Variants in PCNT observed in about 807,000 individuals in gnomAD.
PCNT encodes kendrin.
PCNT carries 319 observed loss-of-function variants against 380.4 expected under a neutral mutation model. The ratio of observed to expected loss-of-function variants is 0.84; its 90% CI spans 0.77 to 0.92. The LOEUF is 0.92. Ranked by LOEUF, PCNT falls within the 40% of genes least tolerant of loss-of-function variation. The pLI, the probability that PCNT is intolerant of heterozygous loss-of-function variation, is 0.00. For synonymous variants in PCNT, 1,845 were observed against 1,735.2 expected (o/e 1.06, Z -1.57); for missense variants, 4,400 against 4,255.3 (o/e 1.03, Z -0.95).
chr21:46,389,168 C>A, intron 18 of PCNT, 31 bp from the exon 19 acceptor site: 11 of 1,596,416 alleles, frequency 6.9e-6, no homozygotes, highest in Non-Finnish European at 8.6e-6. Context: ...GCTCACTGAG[C>A]CGCGTGTGCC....
Position 46,381,780 on chromosome 21 carries a change from C to A in PCNT, c.3252C>A (p.His1084Gln). 1 of 1,614,180 alleles carries A rather than the reference C, an allele frequency of 6.2e-7. No homozygotes were observed. Among genetic ancestry groups the A allele is most frequent in the Non-Finnish European group, 8.5e-7 (1 of 1,180,010 alleles). The change falls in exon 16 of 47, where the codon CAC becomes CAA. Residue 1084 changes from histidine (H) to glutamine (Q), a missense_variant. Transcript: ENST00000359568. Reference protein sequence around the residue: ...RLQSAQAQPFHQEEKESLSLQ... With the variant: ...RLQSAQAQPFQQEEKESLSLQ... Reference sequence around the variant, plus strand: ...AGAGTGCACAGGCACAGCCTTTTCACCAAGAGGAGAAAGAGTCTTTGTCTC... The same window carrying A: ...AGAGTGCACAGGCACAGCCTTTTCAACAAGAGGAGAAAGAGTCTTTGTCTC...
intron 1 of PCNT, 133 bp downstream of exon 1, chr21:46,324,415 G>C: frequency 1.2e-6 from 1 of 808,142 alleles, no homozygotes; most frequent in Non-Finnish European, 2.1e-6. Context: ...GCTTTTTCCC[G>C]CCGGCTCCGC....
intron 15 of PCNT, among the ~76,000 whole-genome samples, chr21:46,370,381 G>C (rs1324226631): frequency 2.0e-5 from 3 of 152,006 alleles, no homozygotes; most frequent in Non-Finnish European, 4.4e-5. Flanking sequence ...AGGCGATTCA[G>C]AGCCTGGGAG....
intron 30 of PCNT, 107 bp downstream of exon 30, chr21:46,416,946 G>A (rs530138124): frequency 2.4e-5 from 26 of 1,104,508 alleles, no homozygotes; most frequent in African/African-American, 6.2e-5. Flanking sequence ...CACACACCTC[G>A]CAGTGCTGTG....
In PCNT at chr21:46,426,075, T is replaced by TTTC. The variant is rs199593779; in HGVS notation, c.7320+106_7320+107insCTT. ...TGGACACTAGGATTTCTTTCTTTTT[T>TTTC]TTTTTTTTTTTTTTTTTTTTTGAGA... On this transcript the variant is annotated intron_variant, in intron 33 of 46. Coordinates refer to ENST00000359568, the MANE Select transcript of PCNT (RefSeq NM_006031.6). The TTTC allele has an allele frequency of 0.16, 123,714 of 784,766 alleles. 12,071 individuals are homozygous for TTTC. Among genetic ancestry groups the TTTC allele is most frequent in the African/African-American group, 0.3 (7,310 of 24,036 alleles). 48.6% of individuals were successfully genotyped at this position (784,766 alleles called of 1,614,324 possible). A position where few individuals can be genotyped will look rare whatever the true frequency, so the allele number is the denominator to read the frequency against.
At position 46,418,232 on chromosome 21, in the gene PCNT, C is replaced by T. The variant is rs767081413; in HGVS notation, c.6950C>T (p.Thr2317Ile). The change falls in exon 31 of 47, where the codon ACA becomes ATA. Residue 2317 changes from threonine (T) to isoleucine (I), a missense_variant. Transcript: ENST00000359568. The stretch of plus-strand genomic sequence containing the variant: ...AAAGATGTCGAAGATTTTATCACAA[C>T]ATCCTTTGATTCTCAAGAAACATTA... Reference protein sequence around the residue: ...VEKDVEDFITTSFDSQETLSS... With the variant: ...VEKDVEDFITISFDSQETLSS... 2.5e-6 allele frequency: 4 copies of T among 1,607,120 alleles called. No homozygotes were observed. In the African/African-American group the frequency reaches 5.3e-5, roughly 21 times the overall value.
At position 46,349,761 on chromosome 21, in the gene PCNT, C is replaced by A. The variant is rs766839662; in HGVS notation, c.1285C>A (p.Arg429=). 5 of 1,613,872 alleles carry A rather than the reference C, an allele frequency of 3.1e-6. No individual in the cohort carries two copies. The highest frequency in any genetic ancestry group is 4.2e-6 in the Non-Finnish European group (5 of 1,179,868). The change falls in exon 8 of 47, where the codon CGG becomes AGG. Residue 429 remains arginine (R), a synonymous_variant. Coordinates refer to ENST00000359568, the MANE Select transcript of PCNT (RefSeq NM_006031.6). ...TGAAGACCTGCAGTCCGAGCACGGC[C>A]GGTGTTTAGAAGACTTGGAGTTCAA... The part of the protein sequence containing the change: ...LREDLQSEHG[R]CLEDLEFKFK...
chr21:46,411,762 GC>G lies in PCNT; in HGVS notation c.5691del (p.Leu1898TrpfsTer44). On this transcript the variant is annotated frameshift_variant, in exon 28 of 47. Coordinates refer to ENST00000359568, the MANE Select transcript of PCNT (RefSeq NM_006031.6). LOFTEE classifies it high-confidence loss of function. ...HSAELEAVLLALARIRRALEQ... is the reference protein window; with the variant it reads ...HSAELEAVLLXLARIRRALEQ... ...TGCCGAGCTGGAGGCCGTCCTGTTG[GC>G]CTTGGCCCGCATCCGCCGCGCCCTG... The G allele has an allele frequency of 6.2e-7, 1 of 1,609,514 alleles. No homozygotes were observed. The highest frequency in any genetic ancestry group is 8.5e-7 in the Non-Finnish European group (1 of 1,179,454).
At position 46,421,967 on chromosome 21, in the gene PCNT, T is replaced by C; in HGVS notation, c.7025-3T>C. 1 of 1,614,024 alleles carries C rather than the reference T, an allele frequency of 6.2e-7. No individual in the cohort carries two copies. Among genetic ancestry groups the C allele is most frequent in the Non-Finnish European group, 8.5e-7 (1 of 1,179,902 alleles). On this transcript the variant is annotated splice_region_variant and splice_polypyrimidine_tract_variant and intron_variant, in intron 31 of 46. Coordinates refer to ENST00000359568, the MANE Select transcript of PCNT (RefSeq NM_006031.6). ...TGGGACCCTGACCCTGTGGTGTTTT[T>C]AGGTGACGGCTCGGGTTTTGGAGCA...
intron 37 of PCNT, chr21:46,430,900 C>G (rs1477469182): frequency 1.6e-5 from 16 of 985,336 alleles, no homozygotes; most frequent in South Asian, 9.4e-5. Context: ...GGAGCCCCCC[C>G]CCGTCCCTGA....
At chr21:46,444,599 CCTTT>C in intron 45 of PCNT, 91 bp from the exon 46 acceptor site, 1 of 1,395,238 alleles carries the variant, frequency 7.2e-7, no homozygotes, top group Non-Finnish European at 1.0e-6. Context: ...GGGGCTGGTG[CCTTT>C]CTTCTGCACT....
At chr21:46,415,365 ATTTTTTTTT>A (rs35983555) in intron 29 of PCNT, among the ~76,000 whole-genome samples, 13 of 65,300 alleles carry the variant, frequency 2.0e-4, no homozygotes, top group South Asian at 8.5e-4. Context: ...GTTTCTTTGA[ATTTTTTTTT>A]TTTTTTTTTT....
Position 46,414,283 on chromosome 21 carries a change from C to T in PCNT, c.6150+1291C>T, listed in dbSNP as rs979745385. On this transcript the variant is annotated intron_variant, in intron 29 of 46. Transcript: ENST00000359568. ...CTGGGATTACAGGCGTGAGCCACCA[C>T]GCCCAGCCTTAGATGGCACCTTTTG... 5.3e-5 allele frequency among the ~76,000 whole-genome samples: 8 copies of T among 152,290 alleles called. No homozygotes were observed. The East Asian group carries it at 7.7e-4, about 15-fold the overall frequency.
intron 32 of PCNT, among the ~76,000 whole-genome samples, chr21:46,424,348 GA>G (rs975604982): frequency 2.0e-5 from 3 of 152,226 alleles, no homozygotes; most frequent in Non-Finnish European, 2.9e-5. Context: ...CTGACAGGCA[GA>G]GCCGCCTGGT....
In PCNT at chr21:46,329,315, A is replaced by G. The variant is rs114341820; in HGVS notation, c.267+2726A>G. 3.6e-3 allele frequency among the ~76,000 whole-genome samples: 552 copies of G among 152,334 alleles called. 1 individual carries two copies. The highest frequency in any genetic ancestry group is 0.013 in the African/African-American group (534 of 41,578). On this transcript the variant is annotated intron_variant, in intron 2 of 46. Coordinates refer to ENST00000359568, the MANE Select transcript of PCNT (RefSeq NM_006031.6). ...TTGATGCATGCCTTCATTCAGGAAG[A>G]TGATCTGATGAAAAGCATTTTGATT...
chr21:46,359,247 C>CCAGCCTCGTCT (rs1555957717), intron 13 of PCNT, among the ~76,000 whole-genome samples: 70 of 145,220 alleles, frequency 4.8e-4, no homozygotes, highest in Admixed American at 8.2e-4. Flanking sequence ...GCCACCGAAC[C>CCAGCCTCGTCT]TGGCTCCAGG....
Position 46,402,363 on chromosome 21 carries a change from GA to G in PCNT, c.4998del (p.Gly1667ValfsTer3), listed in dbSNP as rs1216567244. 6 of 1,610,858 alleles carry G rather than the reference GA, an allele frequency of 3.7e-6. No homozygotes were observed. Among genetic ancestry groups the G allele is most frequent in the Non-Finnish European group, 5.1e-6 (6 of 1,177,116 alleles). ...ACTTAAAAGAACAGCTAGAAAAGATGAAAGGTGACTTAGAAAGTAAAAATGA... is the reference window on the plus strand; with the variant it reads ...ACTTAAAAGAACAGCTAGAAAAGATGAAGGTGACTTAGAAAGTAAAAATGA... The part of the protein sequence containing the change: ...LDLKEQLEKM[K>X]GDLESKNEEI... On this transcript the variant is annotated frameshift_variant, in exon 27 of 47. Transcript: ENST00000359568. LOFTEE classifies it high-confidence loss of function.
Position 46,428,604 on chromosome 21 carries a change from T to A in PCNT, c.7690+14T>A. 1 of 1,585,612 alleles carries A rather than the reference T, an allele frequency of 6.3e-7. No individual in the cohort carries two copies. The highest frequency in any genetic ancestry group is 8.5e-7 in the Non-Finnish European group (1 of 1,172,926). On this transcript the variant is annotated intron_variant, in intron 35 of 46. Transcript: ENST00000359568. ...TGCGCAGGCAGGGTGGGTGTCACTG[T>A]CTACACTGCCTGGGGCCCGGCCTCT...
In PCNT at chr21:46,443,804, G is replaced by C; in HGVS notation, c.9701-6G>C. ...ATCCCTTGGTTGTTAAATAATTCTG[G>C]GGAAGGGCCCCGAGCACGACAGCCG... On this transcript the variant is annotated splice_polypyrimidine_tract_variant and splice_region_variant and intron_variant, in intron 44 of 46. Coordinates refer to ENST00000359568, the MANE Select transcript of PCNT (RefSeq NM_006031.6). 6.2e-7 allele frequency: 1 copy of C among 1,613,702 alleles called. No individual in the cohort carries two copies. The highest frequency in any genetic ancestry group is 8.5e-7 in the Non-Finnish European group (1 of 1,179,920).
Sources: gnomAD v4.1 joint callset for allele counts (sites outside exome capture counted in the v4.1 genomes callset) on GRCh38, gnomAD v4.1.1 for gene constraint, MANE v1.5 for transcripts, NCBI Gene and HGNC (gene_info 2026-07-23, HGNC 2026-07-21) for gene names.